AFG2A: variants seen among roughly 807,000 people sequenced by gnomAD.
AFG2A encodes the protein AAA ATPase AFG2A.
the AFG2A span, among the ~76,000 whole-genome samples, chr4:123,188,041 T>C: frequency 1.2e-4 from 19 of 152,126 alleles, no homozygotes; most frequent in South Asian, 6.2e-4. Flanking sequence ...TAATGTTATA[T>C]TTCTGGATTT....
chr4:123,192,872 A>G, the AFG2A span, among the ~76,000 whole-genome samples: 4 of 152,232 alleles, frequency 2.6e-5, no homozygotes, highest in Admixed American at 1.3e-4. Context: ...AAACTGGCTT[A>G]TTTAAAAATA....
the AFG2A span, among the ~76,000 whole-genome samples, chr4:123,095,293 A>T: frequency 6.6e-6 from 1 of 151,684 alleles, no homozygotes; most frequent in Non-Finnish European, 1.5e-5. Context: ...TGGAACATGA[A>T]TTTTTTTTAA....
At chr4:123,115,634 T>G in the AFG2A span, among the ~76,000 whole-genome samples, 1 of 151,950 alleles carries the variant, frequency 6.6e-6, no homozygotes, top group Non-Finnish European at 1.5e-5. Context: ...GATCCCAGGG[T>G]TGGGCTTCCA....
At chr4:123,059,243 G>A in the AFG2A span, among the ~76,000 whole-genome samples, 17 of 150,742 alleles carry the variant, frequency 1.1e-4, no homozygotes, top group African/African-American at 4.1e-4. Flanking sequence ...ATACTGGTGT[G>A]CTGCACCCAT....
the AFG2A span, among the ~76,000 whole-genome samples, chr4:123,277,235 G>C: frequency 6.6e-6 from 1 of 152,054 alleles, no homozygotes; most frequent in African/African-American, 2.4e-5. Flanking sequence ...TATTATTTTT[G>C]TGGCTATTGT....
the AFG2A span, among the ~76,000 whole-genome samples, chr4:123,221,084 T>C: frequency 6.6e-6 from 1 of 152,174 alleles, no homozygotes; most frequent in Non-Finnish European, 1.5e-5. Context: ...CATGTGGCTA[T>C]TGAGCACCTG....
the AFG2A span, among the ~76,000 whole-genome samples, chr4:123,027,818 A>C: frequency 6.6e-6 from 1 of 152,212 alleles, no homozygotes; most frequent in Non-Finnish European, 1.5e-5. Context: ...AACAGGTATA[A>C]GAAATTAGAT....
chr4:123,054,417 CTT>C, the AFG2A span, among the ~76,000 whole-genome samples: 1,901 of 148,700 alleles, frequency 0.013, 45 homozygotes, highest in African/African-American at 0.043. Flanking sequence ...ATTGAGCATC[CTT>C]TTTTTTTTTT....
chr4:123,160,301 CCATCAGTTTTACTG>C, the AFG2A span, among the ~76,000 whole-genome samples: 3 of 152,054 alleles, frequency 2.0e-5, no homozygotes, highest in Admixed American at 2.0e-4. Flanking sequence ...CTGCCCGTAG[CCATCAGTTTTACTG>C]CAGGCAAAAT....
the AFG2A span, among the ~76,000 whole-genome samples, chr4:123,070,026 C>T: frequency 6.6e-6 from 1 of 152,032 alleles, no homozygotes; most frequent in Non-Finnish European, 1.5e-5. Context: ...TACTTTGAAC[C>T]ATATTGTAAG....
chr4:123,303,004 G>C, the AFG2A span, among the ~76,000 whole-genome samples: 2 of 152,096 alleles, frequency 1.3e-5, no homozygotes, highest in African/African-American at 4.8e-5. Context: ...ATAAATGAAA[G>C]AATAAGGGGC....
chr4:123,289,804 G>T, the AFG2A span, among the ~76,000 whole-genome samples: 1 of 151,878 alleles, frequency 6.6e-6, no homozygotes, highest in African/African-American at 2.4e-5. Context: ...TTTTTATACG[G>T]TTGTTGGCCA....
the AFG2A span, among the ~76,000 whole-genome samples, chr4:123,047,783 G>A: frequency 6.6e-6 from 1 of 151,536 alleles, no homozygotes; most frequent in Admixed American, 6.6e-5. Flanking sequence ...GCTTACTTCA[G>A]CCTTGAACTC....
the AFG2A span, among the ~76,000 whole-genome samples, chr4:123,107,820 G>A: frequency 1.3e-5 from 2 of 152,350 alleles, no homozygotes; most frequent in East Asian, 1.9e-4. Flanking sequence ...GCATCTCAGT[G>A]TCTCCCTGAG....
the AFG2A span, among the ~76,000 whole-genome samples, chr4:123,225,296 C>T: frequency 6.6e-6 from 1 of 152,146 alleles, no homozygotes; most frequent in African/African-American, 2.4e-5. Context: ...ATGCCTATGT[C>T]CTGAATGGTG....
At chr4:123,175,565 G>A in the AFG2A span, among the ~76,000 whole-genome samples, 1 of 152,304 alleles carries the variant, frequency 6.6e-6, no homozygotes, top group South Asian at 2.1e-4. Context: ...GACACAGCTG[G>A]TCTGAAGAGC....
At chr4:123,182,331 A>G in the AFG2A span, among the ~76,000 whole-genome samples, 1 of 152,224 alleles carries the variant, frequency 6.6e-6, no homozygotes, top group South Asian at 2.1e-4. Flanking sequence ...ATAGACACTC[A>G]GTGGCTAGTT....
chr4:123,215,603 C>T, the AFG2A span, among the ~76,000 whole-genome samples: 1 of 151,924 alleles, frequency 6.6e-6, no homozygotes, highest in Non-Finnish European at 1.5e-5. Flanking sequence ...TTTTTTCCCC[C>T]TTATGCCACA....
the AFG2A span, among the ~76,000 whole-genome samples, chr4:122,943,848 C>T: frequency 3.3e-5 from 5 of 152,118 alleles, no homozygotes; most frequent in Non-Finnish European, 7.4e-5. Flanking sequence ...CAAAATCTCT[C>T]AGCATTTGCT....
Sources: gnomAD v4.1 joint callset for allele counts (sites outside exome capture counted in the v4.1 genomes callset) on GRCh38, gnomAD v4.1.1 for gene constraint, MANE v1.5 for transcripts, NCBI Gene and HGNC (gene_info 2026-07-23, HGNC 2026-07-21) for gene names.